The following CTNND2 variants were observed in gnomAD, a reference collection of about 807,000 sequenced individuals.
The protein encoded by CTNND2 is catenin delta 2.
Under a neutral mutation model 144.4 loss-of-function variants are expected in CTNND2, and 22 were observed. The observed-to-expected ratio is 0.15, with a 90% CI of 0.11 to 0.22. The LOEUF (loss-of-function observed/expected upper bound fraction) is 0.22, where lower values mean the gene tolerates loss of function less well. CTNND2 is among the 10% of genes least tolerant of loss of function. CTNND2 has a pLI of 1.00. For missense variants in CTNND2, 1,353 were observed against 1,618.8 expected, an observed-to-expected ratio of 0.84 and a Z score of 2.82; for synonymous variants, 751 against 695.6, an observed-to-expected ratio of 1.08 and a Z score of -1.25.
chr5:11,311,022 C>T (rs1390205987), intron 9 of CTNND2, among the ~76,000 whole-genome samples: 1 of 131,734 alleles, frequency 7.6e-6, no homozygotes, highest in African/African-American at 2.9e-5. Flanking sequence ...ACACACAATA[C>T]ACTCACACAC....
At chr5:11,321,340 C>T (rs191638377) in intron 9 of CTNND2, among the ~76,000 whole-genome samples, 39 of 152,306 alleles carry the variant, frequency 2.6e-4, no homozygotes, top group African/African-American at 8.7e-4. Context: ...GTGTTCTCCA[C>T]CATGCATGCT....
chr5:11,688,772 G>A lies in CTNND2; in HGVS notation c.174+43364C>T, dbSNP rs537617632. ...AGAATGCATGGCTGCTTATGACACA[G>A]AGAGCATCCCTATTAAAACGGCTGC... On this transcript the variant is annotated intron_variant, in intron 2 of 21. Transcript: ENST00000304623. Among the ~76,000 whole-genome samples, 3 of 152,292 alleles carry A rather than the reference G, an allele frequency of 2.0e-5. No individual in the cohort carries two copies. The East Asian group carries it at 5.8e-4, about 29-fold the overall frequency.
intron 18 of CTNND2, among the ~76,000 whole-genome samples, chr5:11,002,704 C>T (rs567654376): frequency 6.6e-6 from 1 of 152,166 alleles, no homozygotes; most frequent in East Asian, 1.9e-4. Flanking sequence ...TCCTGGAAGA[C>T]AACTTTTAGA....
Position 11,838,622 on chromosome 5 carries a change from C to A in CTNND2, c.37+65195G>T, listed in dbSNP as rs56965361. Among the ~76,000 whole-genome samples the A allele has an allele frequency of 9.8e-4, 150 of 152,290 alleles. 2 individuals are homozygous for A. The highest frequency in any genetic ancestry group is 3.2e-3 in the African/African-American group (135 of 41,564). Reference sequence around the variant, plus strand: ...ATTTTAGAATGAAGGTCAGGCCCTGCATCAGGTTCACCCAACTTATGACTC... The same window carrying A: ...ATTTTAGAATGAAGGTCAGGCCCTGAATCAGGTTCACCCAACTTATGACTC... On this transcript the variant is annotated intron_variant, in intron 1 of 21. Coordinates refer to ENST00000304623, the MANE Select transcript of CTNND2 (RefSeq NM_001332.4).
intron 2 of CTNND2, among the ~76,000 whole-genome samples, chr5:11,641,651 C>G (rs528561350): frequency 8.5e-5 from 10 of 116,962 alleles, no homozygotes; most frequent in African/African-American, 2.7e-4. Flanking sequence ...TATACATATA[C>G]GTGTGTATAT....
chr5:11,891,291 A>G (rs1736938547), intron 1 of CTNND2, among the ~76,000 whole-genome samples: 1 of 152,236 alleles, frequency 6.6e-6, no homozygotes, highest in South Asian at 2.1e-4. Context: ...ACTTATTAAT[A>G]AAATAGCTCA....
intron 9 of CTNND2, among the ~76,000 whole-genome samples, chr5:11,312,154 CA>C: frequency 6.9e-6 from 1 of 145,718 alleles, no homozygotes. Flanking sequence ...ACCACACACA[CA>C]CTCCCCATAC....
intron 2 of CTNND2, among the ~76,000 whole-genome samples, chr5:11,633,791 A>G (rs201425417): frequency 1.3e-5 from 2 of 151,448 alleles, no homozygotes; most frequent in African/African-American, 2.4e-5. Context: ...AAAAAAAAAA[A>G]TTAGTACAAC....
chr5:11,195,016 A>G (rs532119476), intron 11 of CTNND2, among the ~76,000 whole-genome samples: 15 of 152,328 alleles, frequency 9.8e-5, no homozygotes, highest in African/African-American at 3.6e-4. Context: ...AAGAAAATAC[A>G]AGAGAAATAA....
chr5:11,821,514 G>A (rs1360648130), intron 1 of CTNND2, among the ~76,000 whole-genome samples: 2 of 151,958 alleles, frequency 1.3e-5, no homozygotes, highest in Non-Finnish European at 2.9e-5. Flanking sequence ...AATCCTTCAT[G>A]AAGAATAAAA....
At chr5:11,269,113 CTG>C in intron 9 of CTNND2, among the ~76,000 whole-genome samples, 1 of 152,292 alleles carries the variant, frequency 6.6e-6, no homozygotes, top group Admixed American at 6.5e-5. Context: ...GACTGTGAGA[CTG>C]TGGGCAAGCT....
At chr5:11,173,288 G>A (rs1483718388) in intron 11 of CTNND2, among the ~76,000 whole-genome samples, 4 of 152,250 alleles carry the variant, frequency 2.6e-5, no homozygotes, top group African/African-American at 9.6e-5. Flanking sequence ...TGTGCCCCTA[G>A]GGCTGGGAAG....
chr5:11,458,656 T>C (rs1765937861), intron 3 of CTNND2, among the ~76,000 whole-genome samples: 1 of 152,250 alleles, frequency 6.6e-6, no homozygotes. Flanking sequence ...ATGTTAATAG[T>C]TGCACCCTAT....
chr5:11,527,919 G>A (rs774620854), intron 3 of CTNND2, among the ~76,000 whole-genome samples: 47 of 152,262 alleles, frequency 3.1e-4, no homozygotes, highest in African/African-American at 1.0e-3. Flanking sequence ...TGGGTACGGC[G>A]CTGCATTAAG....
intron 10 of CTNND2, among the ~76,000 whole-genome samples, chr5:11,234,571 G>C (rs971834157): frequency 2.0e-5 from 3 of 152,196 alleles, no homozygotes; most frequent in Non-Finnish European, 4.4e-5. Context: ...TCACCACAGT[G>C]CACTGGGGGT....
chr5:11,333,323 G>GTGCAATCACAACTCATTGC (rs1686184960), intron 9 of CTNND2, among the ~76,000 whole-genome samples: 1 of 152,020 alleles, frequency 6.6e-6, no homozygotes, highest in Non-Finnish European at 1.5e-5. Context: ...GAGTGCAGTG[G>GTGCAATCACAACTCATTGC]TGCAATCACA....
intron 19 of CTNND2, among the ~76,000 whole-genome samples, chr5:10,991,180 G>A (rs984583664): frequency 1.1e-4 from 16 of 152,156 alleles, no homozygotes; most frequent in African/African-American, 2.4e-4. Context: ...AGCTGGGAGC[G>A]GGCCATTTAT....
chr5:11,182,306 G>A (rs1180479688), intron 11 of CTNND2, among the ~76,000 whole-genome samples: 1 of 151,922 alleles, frequency 6.6e-6, no homozygotes, highest in Non-Finnish European at 1.5e-5. Flanking sequence ...GCATGTGCTG[G>A]TCTGTGTGGG....
At chr5:11,260,565 C>T (rs1278954992) in intron 9 of CTNND2, among the ~76,000 whole-genome samples, 2 of 152,170 alleles carry the variant, frequency 1.3e-5, no homozygotes, top group African/African-American at 4.8e-5. Context: ...CTGTGAGGGC[C>T]TTCTTGCTAC....
Sources: allele counts gnomAD v4.1 joint callset (sites outside exome capture counted in the v4.1 genomes callset), GRCh38; gene constraint gnomAD v4.1.1; transcripts MANE v1.5; gene names NCBI Gene and HGNC (gene_info 2026-07-23, HGNC 2026-07-21).